Variants in SCFD2 observed in about 807,000 individuals in gnomAD.
SCFD2 encodes the protein sec1 family domain-containing protein 2.
SCFD2 carries 54 observed loss-of-function variants against 58.9 expected under a neutral mutation model. The observed-to-expected ratio is 0.92, with a 90% CI of 0.74 to 1.15. The LOEUF is 1.15. Among genes scored for constraint, SCFD2 ranks in the 50% most tolerant of loss-of-function variants. The pLI is 0.00. For missense variants in SCFD2, 805 were observed against 836.6 expected, an observed-to-expected ratio of 0.96 and a Z score of 0.47; for synonymous variants, 321 against 335.9, an observed-to-expected ratio of 0.96 and a Z score of 0.49.
intron 5 of SCFD2, among the ~76,000 whole-genome samples, chr4:52,928,774 T>A (rs1042627874): frequency 6.6e-6 from 1 of 152,116 alleles, no homozygotes; most frequent in South Asian, 2.1e-4. Context: ...CATGCTCCAG[T>A]GGGAGCAGAG....
intron 5 of SCFD2, among the ~76,000 whole-genome samples, chr4:52,992,469 C>T (rs930313462): frequency 1.4e-4 from 21 of 152,180 alleles, no homozygotes; most frequent in Non-Finnish European, 2.2e-4. Context: ...AAGTGAGGAG[C>T]GTCTCTGCAT....
intron 4 of SCFD2, among the ~76,000 whole-genome samples, chr4:53,152,052 C>A (rs566194207): frequency 1.1e-4 from 16 of 152,190 alleles, no homozygotes; most frequent in Non-Finnish European, 2.2e-4. Flanking sequence ...TCCCACCAGG[C>A]CCCACCTCCA....
intron 5 of SCFD2, among the ~76,000 whole-genome samples, chr4:53,142,956 C>G (rs1309261413): frequency 6.6e-6 from 1 of 152,144 alleles, no homozygotes; most frequent in Non-Finnish European, 1.5e-5. Flanking sequence ...GTAGTGTGTA[C>G]TTAGTATTAT....
chr4:53,018,629 G>T (rs544236185), intron 5 of SCFD2, among the ~76,000 whole-genome samples: 4 of 152,124 alleles, frequency 2.6e-5, no homozygotes, highest in Non-Finnish European at 5.9e-5. Context: ...CAATTTTCAC[G>T]CTTGGAGTTT....
chr4:53,080,357 C>G lies in SCFD2; in HGVS notation c.1561+64976G>C, dbSNP rs1724104737. 2.0e-5 allele frequency among the ~76,000 whole-genome samples: 3 copies of G among 152,162 alleles called. No homozygotes were observed. The South Asian group carries it at 6.2e-4, about 32-fold the overall frequency. On this transcript the variant is annotated intron_variant, in intron 5 of 8. Transcript: ENST00000401642. Reference sequence around the variant, plus strand: ...CATTAGAAGAGATGCTTGGGCAAAACTTTAACTTTGTTGTTTTATAGGATA... The same window carrying G: ...CATTAGAAGAGATGCTTGGGCAAAAGTTTAACTTTGTTGTTTTATAGGATA...
At chr4:53,202,406 C>CCATG (rs1728274462) in intron 4 of SCFD2, among the ~76,000 whole-genome samples, 1 of 151,594 alleles carries the variant, frequency 6.6e-6, no homozygotes, top group African/African-American at 2.4e-5. Context: ...GGTACCAGTA[C>CCATG]CATGCTGTTT....
intron 5 of SCFD2, among the ~76,000 whole-genome samples, chr4:52,926,501 T>G (rs996133710): frequency 6.6e-6 from 1 of 152,056 alleles, no homozygotes; most frequent in East Asian, 1.9e-4. Context: ...GTAGCTAGAG[T>G]AGGATTTGAA....
chr4:53,216,529 T>C (rs544754776), intron 4 of SCFD2, among the ~76,000 whole-genome samples: 22 of 152,334 alleles, frequency 1.4e-4, no homozygotes, highest in African/African-American at 5.3e-4. Context: ...TATTTGATTC[T>C]TCTCTCTTTT....
At chr4:53,254,579 T>A (rs11133258) in intron 4 of SCFD2, among the ~76,000 whole-genome samples, 1 of 150,800 alleles carries the variant, frequency 6.6e-6, no homozygotes, top group East Asian at 1.9e-4. Flanking sequence ...CCTCAGGTGA[T>A]CCACCCACCT....
At chr4:53,255,737 C>T (rs1180884914) in intron 4 of SCFD2, among the ~76,000 whole-genome samples, 1 of 152,184 alleles carries the variant, frequency 6.6e-6, no homozygotes, top group African/African-American at 2.4e-5. Flanking sequence ...CTACACCTCC[C>T]AGACGGGGTG....
At chr4:53,187,132 T>G (rs1191354823) in intron 4 of SCFD2, among the ~76,000 whole-genome samples, 3 of 151,798 alleles carry the variant, frequency 2.0e-5, no homozygotes, top group Admixed American at 2.0e-4. Flanking sequence ...AAAACTCCAG[T>G]AGAAAAGAAA....
intron 5 of SCFD2, among the ~76,000 whole-genome samples, chr4:53,072,005 T>G (rs1484198778): frequency 6.6e-6 from 1 of 152,178 alleles, no homozygotes; most frequent in Non-Finnish European, 1.5e-5. Flanking sequence ...CCCTTTCTTC[T>G]GGTGACAGAT....
intron 3 of SCFD2, among the ~76,000 whole-genome samples, chr4:53,303,126 C>T (rs947866012): frequency 2.2e-4 from 33 of 152,308 alleles, no homozygotes; most frequent in Admixed American, 5.9e-4. Flanking sequence ...TAAAGAGCTT[C>T]TGCACAGCAA....
intron 5 of SCFD2, among the ~76,000 whole-genome samples, chr4:52,984,287 A>G (rs955128262): frequency 6.6e-6 from 1 of 152,234 alleles, no homozygotes; most frequent in African/African-American, 2.4e-5. Context: ...CAATATTAAA[A>G]TCACTGACAT....
intron 8 of SCFD2, among the ~76,000 whole-genome samples, chr4:52,881,933 G>A (rs1055506631): frequency 1.7e-4 from 26 of 152,110 alleles, no homozygotes; most frequent in Non-Finnish European, 3.1e-4. Flanking sequence ...AGGCTGGAGG[G>A]GCATATGCAA....
intron 4 of SCFD2, among the ~76,000 whole-genome samples, chr4:53,169,470 T>TGGCTACTTGGCTACATGCAG (rs1483544843): frequency 6.6e-6 from 1 of 152,216 alleles, no homozygotes; most frequent in Non-Finnish European, 1.5e-5. Flanking sequence ...GCAGGCTGAT[T>TGGCTACTTGGCTACATGCAG]CCATAACTTG....
chr4:52,916,301 A>G (rs1335313514), intron 6 of SCFD2, among the ~76,000 whole-genome samples: 1 of 152,234 alleles, frequency 6.6e-6, no homozygotes, highest in African/African-American at 2.4e-5. Flanking sequence ...CGGGCGCAGT[A>G]GCTCATGCCT....
intron 5 of SCFD2, among the ~76,000 whole-genome samples, chr4:53,055,846 A>G (rs569768448): frequency 6.6e-5 from 10 of 152,160 alleles, no homozygotes; most frequent in Non-Finnish European, 1.3e-4. Flanking sequence ...GTGTGTGCCC[A>G]CTTGCTCAGA....
chr4:52,909,829 C>T (rs1028172743), intron 6 of SCFD2, among the ~76,000 whole-genome samples: 21 of 151,846 alleles, frequency 1.4e-4, no homozygotes, highest in Middle Eastern at 3.2e-3. Context: ...CTTCCAGAAT[C>T]GTAAGATAAT....
Sources: allele counts gnomAD v4.1 joint callset (sites outside exome capture counted in the v4.1 genomes callset), GRCh38; gene constraint gnomAD v4.1.1; transcripts MANE v1.5; gene names NCBI Gene and HGNC (gene_info 2026-07-23, HGNC 2026-07-21).